The following OSBPL9 variants were observed in gnomAD, a reference collection of about 807,000 sequenced individuals.
The protein encoded by OSBPL9 is oxysterol-binding protein-related protein 9.
Under a neutral mutation model 106.6 loss-of-function variants are expected in OSBPL9, and 40 were observed. That is an observed-to-expected ratio of 0.38 (90% confidence interval 0.29 to 0.49). The LOEUF (loss-of-function observed/expected upper bound fraction) is 0.49. Among genes scored for constraint, OSBPL9 ranks in the 20% least tolerant of loss-of-function variants. The pLI, the probability that OSBPL9 is intolerant of heterozygous loss-of-function variation, is 0.97. For missense variants in OSBPL9, 609 were observed against 887.2 expected (o/e 0.69, Z 3.98); for synonymous variants, 269 against 295.4 (o/e 0.91, Z 0.92).
intron 2 of OSBPL9, among the ~76,000 whole-genome samples, chr1:51,666,408 CT>C (rs1362275875): frequency 6.6e-6 from 1 of 151,950 alleles, no homozygotes; most frequent in African/African-American, 2.4e-5. Flanking sequence ...AGTGAAATTG[CT>C]TGGTGTTTTT....
intron 12 of OSBPL9, among the ~76,000 whole-genome samples, chr1:51,771,629 G>T (rs1673924545): frequency 6.6e-6 from 1 of 152,086 alleles, no homozygotes; most frequent in African/African-American, 2.4e-5. Context: ...GCATAAATAA[G>T]ATGTTTTTTT....
At chr1:51,749,574 G>T in intron 7 of OSBPL9, 1 of 397,452 alleles carries the variant, frequency 2.5e-6, no homozygotes, top group Non-Finnish European at 5.3e-6. Flanking sequence ...GCCTACCAAA[G>T]CAGTGGGATT....
the OSBPL9 span, among the ~76,000 whole-genome samples, chr1:51,544,104 A>C: frequency 6.6e-6 from 1 of 152,210 alleles, no homozygotes; most frequent in Non-Finnish European, 1.5e-5. Flanking sequence ...CATATCTGTT[A>C]CCCAATTTGC....
rs1210808688 is a variant in OSBPL9, at chr1:51,788,873, A to AAAAT, written c.*1086_*1089dup. Among the ~76,000 whole-genome samples the AAAAT allele has an allele frequency of 6.6e-6, 1 of 151,686 alleles. No homozygotes were observed. The highest frequency in any genetic ancestry group is 6.6e-5 in the Admixed American group (1 of 15,242). ...ATCTATCTATCATCTTTTTTATTTA[A>AAAAT]AAATACATTAAAAAAACAGGTATTA... On this transcript the variant is annotated 3_prime_UTR_variant, in exon 24 of 24. Coordinates refer to ENST00000428468, the MANE Select transcript of OSBPL9 (RefSeq NM_024586.6).
At chr1:51,786,389 T>C (rs1213228654) in intron 21 of OSBPL9, 137 bp from the exon 22 acceptor site, 13 of 610,464 alleles carry the variant, frequency 2.1e-5, no homozygotes, top group Non-Finnish European at 3.8e-5. Context: ...AGGAAAGATG[T>C]TATGAAATTA....
At chr1:51,756,709 G>A in intron 9 of OSBPL9, 1 of 213,950 alleles carries the variant, frequency 4.7e-6, no homozygotes, top group South Asian at 9.4e-5. Context: ...TGGGGGTGGG[G>A]GAGTACAATA....
chr1:51,599,204 C>G (rs1645316263), intron 2 of OSBPL9, among the ~76,000 whole-genome samples: 1 of 152,090 alleles, frequency 6.6e-6, no homozygotes, highest in Non-Finnish European at 1.5e-5. Context: ...CAGACTGAGA[C>G]CTCATCTCTA....
At chr1:51,705,066 GTA>G in intron 3 of OSBPL9, among the ~76,000 whole-genome samples, 2 of 151,988 alleles carry the variant, frequency 1.3e-5, no homozygotes, top group Middle Eastern at 3.4e-3. Context: ...GAAAATACTT[GTA>G]TGTTTTCTGA....
Position 51,786,591 on chromosome 1 carries a change from A to C in OSBPL9, c.1974A>C (p.Glu658Asp). 6.2e-7 allele frequency: 1 copy of C among 1,612,660 alleles called. No homozygotes were observed. The highest frequency in any genetic ancestry group is 8.5e-7 in the Non-Finnish European group (1 of 1,178,776). The change falls in exon 22 of 24, where the codon GAA becomes GAC. Residue 658 changes from glutamate (E) to aspartate (D), a missense_variant. Transcript: ENST00000428468. The part of the protein sequence containing the change: ...PIIKKKVRKL[E>D]DQNEYESRSL... The stretch of plus-strand genomic sequence containing the variant: ...TCAAGAAGAAAGTGAGGAAGTTGGA[A>C]GATCAGAACGAGTATGAATCCCGCA...
intron 1 of OSBPL9, among the ~76,000 whole-genome samples, chr1:51,650,073 C>G (rs1430952285): frequency 6.6e-6 from 1 of 151,964 alleles, no homozygotes; most frequent in African/African-American, 2.4e-5. Flanking sequence ...GATAGAGTTT[C>G]GCCATGTTGC....
At chr1:51,598,394 CCA>C (rs1269343783) in intron 2 of OSBPL9, among the ~76,000 whole-genome samples, 2 of 152,196 alleles carry the variant, frequency 1.3e-5, no homozygotes, top group African/African-American at 4.8e-5. Flanking sequence ...TTCCTCTGGG[CCA>C]GAGTTTTTCA....
At position 51,610,244 on chromosome 1, in the gene OSBPL9, T is replaced by G. The variant is rs779697776; in HGVS notation, c.-352-4061T>G. ...AGAAACTCTCAAAAAGGAACTGATA[T>G]TTGTTGTTGTTGTTGTTGTTGTTGT... On this transcript the variant is annotated intron_variant, in intron 2 of 25. Coordinates refer to the OSBPL9 transcript ENST00000371714. Among the ~76,000 whole-genome samples, 671 of 151,020 alleles carry G rather than the reference T, an allele frequency of 4.4e-3. 3 individuals carry two copies. Among genetic ancestry groups the G allele is most frequent in the Middle Eastern group, 0.011 (3 of 282 alleles).
chr1:51,681,823 A>T (rs1346887587), intron 3 of OSBPL9, among the ~76,000 whole-genome samples: 1 of 152,162 alleles, frequency 6.6e-6, no homozygotes, highest in Non-Finnish European at 1.5e-5. Context: ...TATACTTTAA[A>T]CCATCAATAG....
At chr1:51,630,320 C>A (rs2148651370) in intron 1 of OSBPL9, among the ~76,000 whole-genome samples, 2 of 152,096 alleles carry the variant, frequency 1.3e-5, no homozygotes, top group Middle Eastern at 3.4e-3. Flanking sequence ...GTTAGAGGGA[C>A]CTTGATCCTA....
At chr1:51,521,837 A>G in the OSBPL9 span, among the ~76,000 whole-genome samples, 1 of 152,116 alleles carries the variant, frequency 6.6e-6, no homozygotes, top group African/African-American at 2.4e-5. Flanking sequence ...GGCTCACTGC[A>G]ACCTCCACCT....
chr1:51,734,437 C>A (rs561329056), intron 4 of OSBPL9, among the ~76,000 whole-genome samples: 2 of 152,092 alleles, frequency 1.3e-5, no homozygotes, highest in Non-Finnish European at 2.9e-5. Flanking sequence ...TTTGTCATAC[C>A]GTGGAGGACT....
intron 6 of OSBPL9, among the ~76,000 whole-genome samples, chr1:51,747,757 G>T (rs940633117): frequency 6.6e-6 from 1 of 151,986 alleles, no homozygotes; most frequent in Non-Finnish European, 1.5e-5. Context: ...GCCAAAACTT[G>T]CTTTCAGGTA....
intron 3 of OSBPL9, among the ~76,000 whole-genome samples, chr1:51,673,159 G>A (rs868819359): frequency 6.6e-6 from 1 of 152,196 alleles, no homozygotes; most frequent in Non-Finnish European, 1.5e-5. Flanking sequence ...CCAAATGAAT[G>A]TGGTACTTTG....
chr1:51,606,925 C>A (rs1212635844), intron 2 of OSBPL9, among the ~76,000 whole-genome samples: 1 of 151,882 alleles, frequency 6.6e-6, no homozygotes, highest in Non-Finnish European at 1.5e-5. Context: ...TGGCGGGCGC[C>A]TGTAGTCCCA....
Sources: allele counts gnomAD v4.1 joint callset (sites outside exome capture counted in the v4.1 genomes callset), GRCh38; gene constraint gnomAD v4.1.1; transcripts MANE v1.5; gene names NCBI Gene and HGNC (gene_info 2026-07-23, HGNC 2026-07-21).